METTL15: variants seen among roughly 807,000 people sequenced by gnomAD.
The protein encoded by METTL15 is 12S rRNA N(4)-cytidine methyltransferase METTL15.
In METTL15, 34 loss-of-function variants were observed where a neutral mutation model predicts 38.3. The ratio of observed to expected loss-of-function variants is 0.89; its 90% CI spans 0.68 to 1.18. The LOEUF (loss-of-function observed/expected upper bound fraction) is 1.18, where lower values mean the gene tolerates loss of function less well. Ranked by LOEUF, METTL15 falls within the 50% of genes most tolerant of loss-of-function variation. The pLI, the probability that METTL15 is intolerant of heterozygous loss-of-function variation, is 0.00. For synonymous variants in METTL15, 162 were observed against 170.9 expected (o/e 0.95, Z 0.41); for missense variants, 438 against 498.4 (o/e 0.88, Z 1.15).
intron 6 of METTL15, among the ~76,000 whole-genome samples, chr11:28,447,444 T>G (rs1320252212): frequency 6.6e-6 from 1 of 152,212 alleles, no homozygotes; most frequent in Non-Finnish European, 1.5e-5. Context: ...GATTCCTCAT[T>G]TGTTACTAAT....
chr11:28,372,945 G>A (rs1002554904), intron 5 of METTL15, among the ~76,000 whole-genome samples: 5 of 150,942 alleles, frequency 3.3e-5, no homozygotes, highest in Admixed American at 3.3e-4. Context: ...CAAAGGACAT[G>A]AACTCATCAT....
intron 4 of METTL15, among the ~76,000 whole-genome samples, chr11:28,282,161 G>T (rs1380255873): frequency 6.6e-6 from 1 of 152,076 alleles, no homozygotes; most frequent in Non-Finnish European, 1.5e-5. Flanking sequence ...CTGCTAACAT[G>T]CTACTCTCTC....
chr11:28,219,472 A>G (rs889460334), intron 4 of METTL15, among the ~76,000 whole-genome samples: 1 of 152,100 alleles, frequency 6.6e-6, no homozygotes. Flanking sequence ...TAGTCTTGCT[A>G]GCAGTCTATC....
intron 6 of METTL15, among the ~76,000 whole-genome samples, chr11:28,314,932 T>C (rs1857428936): frequency 6.6e-6 from 1 of 152,204 alleles, no homozygotes; most frequent in Non-Finnish European, 1.5e-5. Context: ...CTCATTGCCT[T>C]CTACTATGAT....
At chr11:28,153,819 G>A (rs951795215) in intron 3 of METTL15, among the ~76,000 whole-genome samples, 1 of 152,056 alleles carries the variant, frequency 6.6e-6, no homozygotes, top group Admixed American at 6.6e-5. Context: ...ATTCTAAATT[G>A]TCCAGATTCT....
chr11:28,328,619 A>G (rs1331971113), intron 6 of METTL15, among the ~76,000 whole-genome samples: 8 of 152,114 alleles, frequency 5.3e-5, no homozygotes, highest in Non-Finnish European at 1.0e-4. Flanking sequence ...ATGGTACAAA[A>G]TCAAGGAAAA....
intron 3 of METTL15, among the ~76,000 whole-genome samples, chr11:28,119,806 T>A (rs1852133516): frequency 6.6e-6 from 1 of 152,162 alleles, no homozygotes; most frequent in Non-Finnish European, 1.5e-5. Flanking sequence ...AGAGTAGACA[T>A]CAAAGAGAAA....
chr11:28,394,628 T>C (rs537906520), intron 5 of METTL15, among the ~76,000 whole-genome samples: 2 of 152,210 alleles, frequency 1.3e-5, no homozygotes, highest in South Asian at 2.1e-4. Context: ...ACTGAAGATA[T>C]TAGATTTATC....
At chr11:28,218,446 A>G (rs548790718) in intron 4 of METTL15, among the ~76,000 whole-genome samples, 1 of 152,260 alleles carries the variant, frequency 6.6e-6, no homozygotes, top group Non-Finnish European at 1.5e-5. Context: ...TATCAGCTTA[A>G]AGAGATTTTG....
chr11:28,266,260 G>A (rs1855413754), intron 4 of METTL15, among the ~76,000 whole-genome samples: 1 of 152,144 alleles, frequency 6.6e-6, no homozygotes, highest in African/African-American at 2.4e-5. Context: ...ACATGCACAT[G>A]TATGTTTATT....
At chr11:28,283,938 T>G (rs1856155399) in intron 4 of METTL15, among the ~76,000 whole-genome samples, 1 of 151,832 alleles carries the variant, frequency 6.6e-6, no homozygotes, top group African/African-American at 2.4e-5. Context: ...AAAGAAGAAG[T>G]AAAGGAAAGA....
At chr11:28,164,972 A>G (rs761596510) in intron 3 of METTL15, among the ~76,000 whole-genome samples, 6 of 152,164 alleles carry the variant, frequency 3.9e-5, no homozygotes, top group Non-Finnish European at 8.8e-5. Flanking sequence ...TTCACTTAGC[A>G]TAATATCCTC....
At chr11:28,222,460 C>G (rs1296070588) in intron 4 of METTL15, among the ~76,000 whole-genome samples, 1 of 152,204 alleles carries the variant, frequency 6.6e-6, no homozygotes, top group Non-Finnish European at 1.5e-5. Flanking sequence ...TCACCCTTTT[C>G]ATTGGCTAGG....
chr11:28,492,087 G>A (rs569402313), intron 6 of METTL15, among the ~76,000 whole-genome samples: 2 of 152,262 alleles, frequency 1.3e-5, no homozygotes, highest in South Asian at 2.1e-4. Context: ...CAACAAATAT[G>A]TCTGAGCACA....
chr11:28,377,786 G>C (rs1450897022), intron 5 of METTL15, among the ~76,000 whole-genome samples: 2 of 146,480 alleles, frequency 1.4e-5, no homozygotes, highest in Non-Finnish European at 3.0e-5. Flanking sequence ...CCATCTTTGT[G>C]GTTTTATCCA....
At chr11:28,225,429 A>C (rs751112358) in intron 4 of METTL15, among the ~76,000 whole-genome samples, 1 of 151,910 alleles carries the variant, frequency 6.6e-6, no homozygotes, top group Non-Finnish European at 1.5e-5. Context: ...AGTGTTTCTC[A>C]TGCCTTCTTA....
intron 3 of METTL15, among the ~76,000 whole-genome samples, chr11:28,120,661 A>G (rs1852190136): frequency 2.0e-5 from 3 of 152,226 alleles, no homozygotes; most frequent in South Asian, 2.1e-4. Flanking sequence ...TGAATTTTGT[A>G]TCAATCACGA....
intron 6 of METTL15, among the ~76,000 whole-genome samples, chr11:28,430,227 G>GT (rs960328523): frequency 1.4e-4 from 20 of 147,768 alleles, no homozygotes; most frequent in Admixed American, 4.7e-4. Context: ...GAGGGAGGTG[G>GT]GGGGGGTCAG....
At chr11:28,273,374 G>A (rs1287278965) in intron 4 of METTL15, among the ~76,000 whole-genome samples, 7 of 151,956 alleles carry the variant, frequency 4.6e-5, no homozygotes, top group Admixed American at 2.0e-4. Flanking sequence ...GGGACTTACT[G>A]CAAGAAAATG....
Sources: allele counts gnomAD v4.1 joint callset (sites outside exome capture counted in the v4.1 genomes callset), GRCh38; gene constraint gnomAD v4.1.1; transcripts MANE v1.5; gene names NCBI Gene and HGNC (gene_info 2026-07-23, HGNC 2026-07-21).